ARL8B: variants seen among roughly 807,000 people sequenced by gnomAD.
ARL8B encodes ARF like GTPase 8B, also known as ADP-ribosylation factor-like protein 8B.
Under a neutral mutation model 30.6 loss-of-function variants are expected in ARL8B, and 9 were observed. That is an observed-to-expected ratio of 0.29 (90% CI 0.18 to 0.51). The LOEUF is 0.51. ARL8B is among the 20% of genes least tolerant of loss of function. ARL8B has a pLI of 0.97. For synonymous variants in ARL8B, 74 were observed against 76.0 expected, an observed-to-expected ratio of 0.97 and a Z score of 0.14; for missense variants, 130 against 227.2, an observed-to-expected ratio of 0.57 and a Z score of 2.75.
Position 5,174,258 on chromosome 3 carries a change from A to G in ARL8B, c.441-86A>G, listed in dbSNP as rs2054705258. 3.5e-6 allele frequency: 4 copies of G among 1,134,874 alleles called. No homozygotes were observed. In the South Asian group the frequency reaches 5.1e-5, roughly 15 times the overall value. 70.3% of individuals were successfully genotyped at this position (1,134,874 alleles called of 1,614,324 possible). ...GCTACGATGATTTCTTCAGTATAGT[A>G]ATAAAACTAATGAGTAAAATTGAAC... is the stretch of plus-strand genomic sequence containing the variant. On this transcript the variant is annotated intron_variant, in intron 5 of 6. Coordinates refer to ENST00000256496, the MANE Select transcript of ARL8B (RefSeq NM_018184.3).
chr3:5,123,085 G>A (rs2054197646), intron 1 of ARL8B, among the ~76,000 whole-genome samples: 4 of 152,290 alleles, frequency 2.6e-5, no homozygotes, highest in Non-Finnish European at 4.4e-5. Context: ...ACCAGTGTGA[G>A]CGCCTTCCTG....
chr3:5,132,956 G>A (rs1383792848), intron 1 of ARL8B, among the ~76,000 whole-genome samples: 1 of 152,164 alleles, frequency 6.6e-6, no homozygotes, highest in Non-Finnish European at 1.5e-5. Context: ...ACAGTGGCAG[G>A]AATGGCTTTT....
At position 5,141,642 on chromosome 3, in the gene ARL8B, G is replaced by A. The variant is rs761605960; in HGVS notation, c.123+19054G>A. ...TAATTCCAGCATTTTCTGCCTGTTC[G>A]TTGGCTAGAGTTGTCAGTCCTTGTA... On this transcript the variant is annotated intron_variant, in intron 1 of 6. Transcript: ENST00000256496. 8.2e-4 allele frequency among the ~76,000 whole-genome samples: 125 copies of A among 152,244 alleles called. No individual in the cohort carries two copies. The Middle Eastern group carries it at 0.01, about 12-fold the overall frequency.
chr3:5,155,406 T>G (rs957272178), intron 1 of ARL8B, among the ~76,000 whole-genome samples: 2 of 152,160 alleles, frequency 1.3e-5, no homozygotes, highest in African/African-American at 2.4e-5. Context: ...TACTTGGAGT[T>G]TGATGAGCTT....
At chr3:5,129,687 C>T (rs2054264847) in intron 1 of ARL8B, among the ~76,000 whole-genome samples, 1 of 152,090 alleles carries the variant, frequency 6.6e-6, no homozygotes. Flanking sequence ...GTAGGGACCA[C>T]AGGCGTATGT....
chr3:5,159,602 C>CAAAAA (rs71053495), intron 1 of ARL8B, among the ~76,000 whole-genome samples: 5 of 77,058 alleles, frequency 6.5e-5, no homozygotes, highest in Admixed American at 1.6e-4. Flanking sequence ...AACTCCGTCT[C>CAAAAA]AAAAAAAAAA....
Position 5,137,805 on chromosome 3 carries a change from G to A in ARL8B, c.123+15217G>A, listed in dbSNP as rs938644695. On this transcript the variant is annotated intron_variant, in intron 1 of 6. Transcript: ENST00000256496. ...GGATCTCACTGTGTTGCCCAGGCTG[G>A]TTCAAACTCCCGGCCTCAAGTAATC... 2.6e-5 allele frequency among the ~76,000 whole-genome samples: 4 copies of A among 151,732 alleles called. No homozygotes were observed. In the South Asian group the frequency reaches 8.3e-4, roughly 31 times the overall value.
intron 1 of ARL8B, among the ~76,000 whole-genome samples, chr3:5,155,211 A>G (rs113651498): frequency 4.6e-5 from 7 of 152,168 alleles, no homozygotes; most frequent in African/African-American, 1.7e-4. Context: ...TTGTTTTTTC[A>G]TTTAGCACTT....
chr3:5,135,463 A>C (rs952833656), intron 1 of ARL8B, among the ~76,000 whole-genome samples: 1 of 149,546 alleles, frequency 6.7e-6, no homozygotes, highest in African/African-American at 2.5e-5. Context: ...TATTACTATT[A>C]TTATTATTTT....
chr3:5,128,506 G>C lies in ARL8B; in HGVS notation c.123+5918G>C, dbSNP rs1458063526. On this transcript the variant is annotated intron_variant, in intron 1 of 6. Transcript: ENST00000256496. ...ATGTTCTCATTAAGAAGCTGTTAGA[G>C]TGCAATAATGCATTCTAAATGCCTG... The C allele has an allele frequency of 6.7e-6, 3 of 449,840 alleles. No homozygotes were observed. The Admixed American group carries it at 7.3e-5, about 11-fold the overall frequency. 27.9% of individuals were successfully genotyped at this position (449,840 alleles called of 1,614,324 possible).
intron 1 of ARL8B, among the ~76,000 whole-genome samples, chr3:5,147,244 C>A (rs570375278): frequency 6.1e-4 from 93 of 152,224 alleles, no homozygotes; most frequent in Admixed American, 1.8e-3. Context: ...TGTTCAGTTC[C>A]CACCTATGAG....
At chr3:5,130,312 A>C (rs1188213457) in intron 1 of ARL8B, among the ~76,000 whole-genome samples, 1 of 151,738 alleles carries the variant, frequency 6.6e-6, no homozygotes, top group Non-Finnish European at 1.5e-5. Flanking sequence ...GGCAGGAGCC[A>C]CCACGCCTGC....
chr3:5,155,824 T>C (rs1311637766), intron 1 of ARL8B, among the ~76,000 whole-genome samples: 1 of 148,778 alleles, frequency 6.7e-6, no homozygotes, highest in African/African-American at 2.5e-5. Flanking sequence ...GTACATAGTT[T>C]TCTTGCATTT....
intron 1 of ARL8B, among the ~76,000 whole-genome samples, chr3:5,167,393 CT>C (rs2054633393): frequency 6.6e-6 from 1 of 152,104 alleles, no homozygotes; most frequent in Non-Finnish European, 1.5e-5. Flanking sequence ...AGTACTGTGC[CT>C]AATTTATAAA....
In ARL8B at chr3:5,122,526, A is replaced by C; in HGVS notation, c.61A>C (p.Met21Leu). ...CCGTTCGCTCTTCTGGAAGGAAGAG[A>C]TGGAGCTGACGCTCGTGGGGCTGCA... ...WFRSLFWKEE[M>L]ELTLVGLQYS... The change falls in exon 1 of 7, where the codon ATG becomes CTG. Residue 21 changes from methionine to leucine, a missense_variant. Physicochemically the swap from Met to Leu is conservative, Grantham distance 15. Coordinates refer to ENST00000256496, the MANE Select transcript of ARL8B (RefSeq NM_018184.3). The C allele has an allele frequency of 6.2e-7, 1 of 1,613,248 alleles. No homozygotes were observed. Among genetic ancestry groups the C allele is most frequent in the African/African-American group, 1.3e-5 (1 of 75,010 alleles).
chr3:5,134,909 A>G (rs953819930), intron 1 of ARL8B, among the ~76,000 whole-genome samples: 32 of 152,112 alleles, frequency 2.1e-4, no homozygotes, highest in African/African-American at 7.2e-4. Flanking sequence ...GTACAGTGGC[A>G]TGATCTCAGC....
chr3:5,177,031 G>A (rs1406340986), intron 6 of ARL8B, among the ~76,000 whole-genome samples: 2 of 152,082 alleles, frequency 1.3e-5, no homozygotes, highest in East Asian at 1.9e-4. Flanking sequence ...TACACTAACC[G>A]TAATTTTTAG....
intron 1 of ARL8B, among the ~76,000 whole-genome samples, chr3:5,147,129 G>A (rs55946647): frequency 2.0e-5 from 3 of 151,512 alleles, no homozygotes; most frequent in African/African-American, 4.9e-5. Context: ...CCCACTAACC[G>A]GTCATTTACA....
chr3:5,127,365 T>G (rs1275615816), intron 1 of ARL8B, among the ~76,000 whole-genome samples: 1 of 152,240 alleles, frequency 6.6e-6, no homozygotes, highest in Non-Finnish European at 1.5e-5. Flanking sequence ...GTATTTAATT[T>G]AATTTAAAAA....
Sources: allele counts gnomAD v4.1 joint callset (sites outside exome capture counted in the v4.1 genomes callset), GRCh38; gene constraint gnomAD v4.1.1; transcripts MANE v1.5; gene names NCBI Gene and HGNC (gene_info 2026-07-23, HGNC 2026-07-21).